Variants in HDAC4 observed in about 807,000 individuals in gnomAD.
HDAC4 encodes histone deacetylase A.
A neutral mutation model predicts 135.1 loss-of-function variants in HDAC4; 16 were observed. That is an observed-to-expected ratio of 0.12 (90% CI 0.08 to 0.18). The LOEUF (loss-of-function observed/expected upper bound fraction) is 0.18. HDAC4 is among the 10% of genes least tolerant of loss of function. HDAC4 has a pLI of 1.00. For synonymous variants in HDAC4, 685 were observed against 653.4 expected (o/e 1.05, Z -0.74); for missense variants, 1,143 against 1,511.8 (o/e 0.76, Z 4.05).
chr2:239,282,245 T>C (rs868412919), intron 2 of HDAC4, among the ~76,000 whole-genome samples: 3 of 108,658 alleles, frequency 2.8e-5, no homozygotes, highest in Admixed American at 8.9e-5. Flanking sequence ...CACTCTACAA[T>C]GTACACACCA....
intron 25 of HDAC4, 147 bp downstream of exon 25, chr2:239,054,602 G>A (rs921185566): frequency 8.4e-6 from 6 of 710,990 alleles, no homozygotes; most frequent in African/African-American, 1.7e-5. Flanking sequence ...AAATGCAGCT[G>A]AAAGCAAGGC....
intron 2 of HDAC4, among the ~76,000 whole-genome samples, chr2:239,347,082 AACAC>A (rs1040857325): frequency 6.7e-6 from 1 of 148,188 alleles, no homozygotes; most frequent in Admixed American, 6.7e-5. Context: ...CACACACCCT[AACAC>A]ACACTCTAAC....
At chr2:239,142,205 T>C (rs2041425733) in intron 8 of HDAC4, among the ~76,000 whole-genome samples, 1 of 152,102 alleles carries the variant, frequency 6.6e-6, no homozygotes, top group African/African-American at 2.4e-5. Context: ...CCCAATTAAT[T>C]AGTGACTGAG....
chr2:239,087,533 T>C, intron 19 of HDAC4, 26 bp downstream of exon 19: 1 of 1,609,664 alleles, frequency 6.2e-7, no homozygotes, highest in Non-Finnish European at 8.5e-7. Flanking sequence ...GTTCCCCTGC[T>C]GTGCGGGGCT....
chr2:239,274,918 T>C (rs1157417287), intron 2 of HDAC4, among the ~76,000 whole-genome samples: 1 of 152,194 alleles, frequency 6.6e-6, no homozygotes, highest in Non-Finnish European at 1.5e-5. Context: ...CATGGTGACA[T>C]CTCTTTTTAA....
chr2:239,049,483 ATATT>A lies in HDAC4; in HGVS notation c.*3610_*3613del, dbSNP rs2030488995. 4 of 151,766 alleles carry A rather than the reference ATATT, an allele frequency of 2.6e-5. No homozygotes were observed. In the South Asian group the frequency reaches 6.2e-4, roughly 24 times the overall value. 9.4% of individuals were successfully genotyped at this position (151,766 alleles called of 1,614,324 possible). Reference sequence around the variant, plus strand: ...TATATTCATATATATTTATATCTATATATTTATATATGTATCAATGCCCATAAAA... The same window carrying A: ...TATATTCATATATATTTATATCTATATATATATGTATCAATGCCCATAAAA... On this transcript the variant is annotated 3_prime_UTR_variant, in exon 27 of 27. Transcript: ENST00000543185.
chr2:239,061,620 G>T (rs1285860762), intron 24 of HDAC4, among the ~76,000 whole-genome samples: 2 of 152,208 alleles, frequency 1.3e-5, no homozygotes, highest in African/African-American at 4.8e-5. Flanking sequence ...GCCATGTGGG[G>T]TGTCAGTGTG....
At chr2:239,256,708 G>C (rs1219897068) in intron 2 of HDAC4, among the ~76,000 whole-genome samples, 1 of 152,280 alleles carries the variant, frequency 6.6e-6, no homozygotes, top group Non-Finnish European at 1.5e-5. Flanking sequence ...TGGATGGGCA[G>C]ATGACTGGAT....
intron 2 of HDAC4, among the ~76,000 whole-genome samples, chr2:239,284,596 G>A (rs1422607155): frequency 6.6e-6 from 1 of 152,228 alleles, no homozygotes; most frequent in Non-Finnish European, 1.5e-5. Flanking sequence ...GCAGAGGCAG[G>A]TGAAAGGCAA....
intron 2 of HDAC4, among the ~76,000 whole-genome samples, chr2:239,279,224 G>C (rs1175047799): frequency 2.0e-5 from 3 of 152,232 alleles, no homozygotes; most frequent in Non-Finnish European, 4.4e-5. Context: ...ACTCTGGGCT[G>C]CTAAGAAGGC....
At chr2:239,390,101 C>G (rs891080408) in intron 1 of HDAC4, among the ~76,000 whole-genome samples, 1 of 152,304 alleles carries the variant, frequency 6.6e-6, no homozygotes, top group East Asian at 1.9e-4. Context: ...TGTGGAGGAG[C>G]TGGATCAAAC....
chr2:239,105,094 C>T (rs2038002599), intron 15 of HDAC4, among the ~76,000 whole-genome samples: 2 of 152,224 alleles, frequency 1.3e-5, no homozygotes, highest in South Asian at 2.1e-4. Flanking sequence ...ACTCTGGGAG[C>T]GGTGGTGATG....
At chr2:239,283,654 G>T (rs1284248495) in intron 2 of HDAC4, among the ~76,000 whole-genome samples, 2 of 152,220 alleles carry the variant, frequency 1.3e-5, no homozygotes, top group Admixed American at 6.5e-5. Context: ...TTATTTAGTC[G>T]TAAGTTTAGC....
intron 2 of HDAC4, among the ~76,000 whole-genome samples, chr2:239,347,927 A>C (rs1379031821): frequency 6.6e-6 from 1 of 151,620 alleles, no homozygotes; most frequent in East Asian, 1.9e-4. Context: ...TATCGAGAGC[A>C]TCATCCCGGT....
rs762714308 is a variant in HDAC4, at chr2:239,053,152, GAGA to G, written c.3231-19_3231-17del. On this transcript the variant is annotated splice_polypyrimidine_tract_variant and intron_variant, in intron 26 of 26. Coordinates refer to ENST00000543185, the MANE Select transcript of HDAC4 (RefSeq NM_001378414.1). ...CTCATCTGGTCTGTGGATCCCGCAA[GAGA>G]AGGAGATGGGGGCGTGGGGCAGGTG... 55 of 1,614,014 alleles carry G rather than the reference GAGA, an allele frequency of 3.4e-5. No individual in the cohort carries two copies. Among genetic ancestry groups the G allele is most frequent in the Non-Finnish European group, 4.6e-5 (54 of 1,180,004 alleles).
At chr2:239,290,556 G>A (rs2051404720) in intron 2 of HDAC4, among the ~76,000 whole-genome samples, 1 of 151,736 alleles carries the variant, frequency 6.6e-6, no homozygotes, top group African/African-American at 2.4e-5. Flanking sequence ...CAAACAGGCA[G>A]GGCAAGCTCC....
chr2:239,112,243 C>T lies in HDAC4; in HGVS notation c.1792-531G>A, dbSNP rs1451768501. Among the ~76,000 whole-genome samples the T allele has an allele frequency of 2.6e-5, 4 of 152,330 alleles. No homozygotes were observed. In the South Asian group the frequency reaches 6.2e-4, roughly 24 times the overall value. On this transcript the variant is annotated intron_variant, in intron 13 of 26. Transcript: ENST00000543185. ...ACAGCGTCCACTCTGCCATACCACACACATACGGTGAGTGGGCACGAAGCC... is the reference window on the plus strand; with the variant it reads ...ACAGCGTCCACTCTGCCATACCACATACATACGGTGAGTGGGCACGAAGCC...
At chr2:239,371,123 C>A (rs1009531109) in intron 1 of HDAC4, among the ~76,000 whole-genome samples, 5 of 152,288 alleles carry the variant, frequency 3.3e-5, no homozygotes, top group Non-Finnish European at 5.9e-5. Flanking sequence ...TTTGTCCAGG[C>A]AGGAACCCTG....
chr2:239,355,052 T>A (rs1378261602), intron 1 of HDAC4, among the ~76,000 whole-genome samples: 1 of 152,228 alleles, frequency 6.6e-6, no homozygotes, highest in Non-Finnish European at 1.5e-5. Flanking sequence ...AGTCTTGATG[T>A]TGTGGTTGTT....
Sources: allele counts gnomAD v4.1 joint callset (sites outside exome capture counted in the v4.1 genomes callset), GRCh38; gene constraint gnomAD v4.1.1; transcripts MANE v1.5; gene names NCBI Gene and HGNC (gene_info 2026-07-23, HGNC 2026-07-21).